Variants in THADA observed in about 807,000 individuals in gnomAD.
THADA encodes the protein THADA armadillo repeat containing.
In THADA, 213 loss-of-function variants were observed where a neutral mutation model predicts 219.8. The observed-to-expected ratio is 0.97, with a 90% confidence interval of 0.87 to 1.09. The LOEUF is 1.09. THADA is among the 50% of genes least tolerant of loss of function. The probability of loss-of-function intolerance (pLI) is 0.00; values close to 1 mark genes in which losing one functional copy is unlikely to be tolerated. For missense variants in THADA, 2,956 were observed against 2,311.3 expected, an observed-to-expected ratio of 1.28 and a Z score of -5.72; for synonymous variants, 1,018 against 828.9, an observed-to-expected ratio of 1.23 and a Z score of -3.92.
chr2:43,473,617 G>T (rs1183744932), intron 26 of THADA, among the ~76,000 whole-genome samples: 3 of 151,760 alleles, frequency 2.0e-5, no homozygotes, highest in African/African-American at 7.3e-5. Flanking sequence ...TACATGTTAG[G>T]CTTTTTTTTT....
intron 29 of THADA, among the ~76,000 whole-genome samples, chr2:43,355,523 A>G (rs1319898308): frequency 2.0e-5 from 3 of 152,188 alleles, no homozygotes; most frequent in African/African-American, 4.8e-5. Flanking sequence ...CCTTTTATCC[A>G]TATTTGCTTT....
chr2:43,234,831 C>T (rs942882316), intron 36 of THADA, among the ~76,000 whole-genome samples: 6 of 151,852 alleles, frequency 4.0e-5, no homozygotes, highest in African/African-American at 1.5e-4. Flanking sequence ...TTTGTTTTTG[C>T]CCAGCTAATT....
At chr2:43,281,347 T>C (rs1174058607) in intron 35 of THADA, among the ~76,000 whole-genome samples, 4 of 152,180 alleles carry the variant, frequency 2.6e-5, no homozygotes, top group African/African-American at 9.6e-5. Context: ...TGGTCATCAT[T>C]TATATCCTTC....
At chr2:43,571,626 C>A in intron 13 of THADA, 81 bp downstream of exon 13, 1 of 1,454,310 alleles carries the variant, frequency 6.9e-7, no homozygotes, top group Non-Finnish European at 9.3e-7. Flanking sequence ...CCCACACGCT[C>A]CCAAAATCTG....
chr2:43,502,799 T>C (rs1379174417), intron 24 of THADA, among the ~76,000 whole-genome samples: 1 of 151,878 alleles, frequency 6.6e-6, no homozygotes, highest in Non-Finnish European at 1.5e-5. Flanking sequence ...AGAATATATA[T>C]GTAATTCAAA....
intron 22 of THADA, among the ~76,000 whole-genome samples, chr2:43,510,908 C>T (rs1690329691): frequency 6.6e-6 from 1 of 151,454 alleles, no homozygotes; most frequent in Admixed American, 6.6e-5. Flanking sequence ...GAAGCAGAGA[C>T]TGCAGCGAGC....
chr2:43,400,478 A>ATATATATATATATATATCTATAT (rs10687373), intron 28 of THADA, among the ~76,000 whole-genome samples: 1 of 117,000 alleles, frequency 8.5e-6, no homozygotes, highest in Non-Finnish European at 1.8e-5. Context: ...TATATATATA[A>ATATATATATATATATATCTATAT]ATATATACAC....
Position 43,549,357 on chromosome 2 carries a change from G to A in THADA, c.2959C>T (p.Arg987Cys), listed in dbSNP as rs370549487. 1.6e-5 allele frequency: 25 copies of A among 1,601,812 alleles called. No individual in the cohort carries two copies. Among genetic ancestry groups the A allele is most frequent in the East Asian group, 6.7e-5 (3 of 44,702 alleles). Reference protein sequence around the residue: ...PMDTDSESASRLQMILNEIQP... With the variant: ...PMDTDSESASCLQMILNEIQP... The stretch of plus-strand genomic sequence containing the variant: ...ATCTCATTCAGAATCATCTGTAAGC[G>A]GCTTGCTGACTCTGAGGGAAAGAAA... The change falls in exon 20 of 38, where the codon CGC becomes TGC. Residue 987 changes from arginine (R) to cysteine (C), a missense_variant. Transcript: ENST00000405975.
At chr2:43,482,341 T>C (rs1686327739) in intron 26 of THADA, among the ~76,000 whole-genome samples, 1 of 152,150 alleles carries the variant, frequency 6.6e-6, no homozygotes, top group South Asian at 2.1e-4. Context: ...TCTGCTCCTT[T>C]CTTTATATAT....
At chr2:43,514,990 A>T (rs1294979972) in intron 22 of THADA, among the ~76,000 whole-genome samples, 7 of 59,918 alleles carry the variant, frequency 1.2e-4, no homozygotes, top group Non-Finnish European at 2.7e-5. Context: ...CATTTTATAT[A>T]TAATATATAA....
At chr2:43,371,134 T>A (rs1670754738) in intron 29 of THADA, among the ~76,000 whole-genome samples, 1 of 152,204 alleles carries the variant, frequency 6.6e-6, no homozygotes, top group South Asian at 2.1e-4. Context: ...GAAGGTAGAT[T>A]TTTATATTTA....
intron 35 of THADA, among the ~76,000 whole-genome samples, chr2:43,285,511 A>G (rs1207586175): frequency 6.6e-6 from 1 of 151,516 alleles, no homozygotes; most frequent in Non-Finnish European, 1.5e-5. Flanking sequence ...TGTTAAGACT[A>G]TGGAACTGTG....
intron 26 of THADA, among the ~76,000 whole-genome samples, chr2:43,479,211 C>G (rs13395302): frequency 0.16 from 24,562 of 152,160 alleles, 2,768 homozygotes; most frequent in African/African-American, 0.32. Context: ...ATCCAAACTA[C>G]TATTACTGTT....
chr2:43,551,871 C>T lies in THADA; in HGVS notation c.2865G>A (p.Met955Ile), dbSNP rs773619853. The T allele has an allele frequency of 6.2e-6, 10 of 1,613,846 alleles. 1 individual carries two copies. Among genetic ancestry groups the T allele is most frequent in the Non-Finnish European group, 8.5e-6 (10 of 1,179,848 alleles). Residue 955 changes from methionine to isoleucine, a missense_variant, in exon 19 of 38, where the codon ATG (methionine) becomes ATA (isoleucine). Physicochemically the swap from Met to Ile is conservative, Grantham distance 10 (BLOSUM62 1). Transcript: ENST00000405975. ...ACACCACAGTGGAAAGCCTGTAGGACATCAAAAGGAGCTTCTCTACCACAG... is the reference window on the plus strand; with the variant it reads ...ACACCACAGTGGAAAGCCTGTAGGATATCAAAAGGAGCTTCTCTACCACAG... ...WRPVVEKLLLMSYRLSTVVSP... is the reference protein window; with the variant it reads ...WRPVVEKLLLISYRLSTVVSP...
intron 30 of THADA, among the ~76,000 whole-genome samples, chr2:43,328,615 T>C (rs544535886): frequency 2.2e-4 from 34 of 152,328 alleles, no homozygotes; most frequent in African/African-American, 7.9e-4. Context: ...TGACTGAAGG[T>C]CCAGCTATGC....
At chr2:43,522,095 G>C (rs1302255597) in intron 22 of THADA, among the ~76,000 whole-genome samples, 2 of 152,020 alleles carry the variant, frequency 1.3e-5, no homozygotes, top group East Asian at 1.9e-4. Flanking sequence ...CTTTGGTCAA[G>C]TATTATATTT....
intron 36 of THADA, among the ~76,000 whole-genome samples, chr2:43,239,672 G>T (rs747719400): frequency 6.6e-5 from 10 of 152,258 alleles, no homozygotes; most frequent in Non-Finnish European, 1.3e-4. Context: ...GGTCAAGTCT[G>T]CCTTCTAGTC....
chr2:43,430,534 T>C, intron 26 of THADA: 3 of 527,820 alleles, frequency 5.7e-6, no homozygotes, highest in Non-Finnish European at 7.1e-6. Context: ...AGATTATGTA[T>C]GTTTACAAAT....
intron 26 of THADA, among the ~76,000 whole-genome samples, chr2:43,437,305 T>C (rs1176230378): frequency 6.6e-6 from 1 of 152,238 alleles, no homozygotes; most frequent in Non-Finnish European, 1.5e-5. Flanking sequence ...TACATTCTGC[T>C]GTACCTGGCT....
Sources: gnomAD v4.1 joint callset for allele counts (sites outside exome capture counted in the v4.1 genomes callset) on GRCh38, gnomAD v4.1.1 for gene constraint, MANE v1.5 for transcripts, NCBI Gene and HGNC (gene_info 2026-07-23, HGNC 2026-07-21) for gene names.